PLCZ1: variants seen among roughly 807,000 people sequenced by gnomAD.
PLCZ1 encodes 1-phosphatidylinositol 4,5-bisphosphate phosphodiesterase zeta-1.
A neutral mutation model predicts 76.8 loss-of-function variants in PLCZ1; 64 were observed. That is an observed-to-expected ratio of 0.83 (90% CI 0.68 to 1.03). The LOEUF (loss-of-function observed/expected upper bound fraction) is 1.03, where lower values mean the gene tolerates loss of function less well. Among genes scored for constraint, PLCZ1 ranks in the 50% least tolerant of loss-of-function variants. PLCZ1 has a pLI of 0.00. For missense variants in PLCZ1, 751 were observed against 713.7 expected, an observed-to-expected ratio of 1.05 and a Z score of -0.60; for synonymous variants, 248 against 230.8, an observed-to-expected ratio of 1.07 and a Z score of -0.68.
the PLCZ1 span, among the ~76,000 whole-genome samples, chr12:18,671,750 ACTGT>A: frequency 6.6e-6 from 1 of 152,150 alleles, no homozygotes; most frequent in East Asian, 1.9e-4. Flanking sequence ...ATGCAAAAAG[ACTGT>A]CTGAGTTCAT....
the PLCZ1 span, among the ~76,000 whole-genome samples, chr12:18,656,359 C>T: frequency 6.6e-5 from 10 of 152,100 alleles, no homozygotes; most frequent in South Asian, 1.9e-3. Flanking sequence ...GGGTGGATCA[C>T]GAGCTCAGTA....
rs770563339 is a variant in PLCZ1, at chr12:18,683,315, C to A, written c.1751G>T (p.Arg584Leu). Reference sequence around the variant, plus strand: ...ACCCATTCTGGAAAACAGAGGAATACGACGATAACCTGCAAAAGGAATTAT... The same window carrying A: ...ACCCATTCTGGAAAACAGAGGAATAAGACGATAACCTGCAAAAGGAATTAT... The part of the protein sequence containing the change: ...PLLCMNKGYR[R>L]IPLFSRMGES... The change falls in exon 15 of 15, where the codon CGT becomes CTT. Residue 584 changes from arginine (R) to leucine (L), a missense_variant. Arg to Leu is a moderately radical substitution (Grantham distance 102). Coordinates refer to ENST00000266505, the MANE Select transcript of PLCZ1 (RefSeq NM_033123.4). 1.9e-6 allele frequency: 3 copies of A among 1,612,130 alleles called. No individual in the cohort carries two copies. Among genetic ancestry groups the A allele is most frequent in the African/African-American group, 2.7e-5 (2 of 74,768 alleles).
intron 12 of PLCZ1, among the ~76,000 whole-genome samples, chr12:18,688,768 C>G (rs1272595178): frequency 6.6e-6 from 1 of 151,670 alleles, no homozygotes; most frequent in Non-Finnish European, 1.5e-5. Context: ...ATTGTTGAAG[C>G]AAAAATGTGT....
rs191492049 is a variant in PLCZ1, at chr12:18,690,155, T to C, written c.1462-1937A>G. On this transcript the variant is annotated intron_variant, in intron 12 of 14. Coordinates refer to ENST00000266505, the MANE Select transcript of PLCZ1 (RefSeq NM_033123.4). ...TATTTGTTCAATGAACCTAGATATA[T>C]TGGGCATATACTTTGTGTAAGGCAC... Among the ~76,000 whole-genome samples, 573 of 152,324 alleles carry C rather than the reference T, an allele frequency of 3.8e-3. 10 individuals carry two copies. The highest frequency in any genetic ancestry group is 0.013 in the African/African-American group (555 of 41,576).
intron 4 of PLCZ1, among the ~76,000 whole-genome samples, chr12:18,721,118 TTTAA>T (rs1200295962): frequency 6.6e-6 from 1 of 152,110 alleles, no homozygotes; most frequent in Non-Finnish European, 1.5e-5. Context: ...TTTTTCCCTG[TTTAA>T]TTAGCAGTAA....
At chr12:18,683,600 G>A (rs1164964311) in intron 14 of PLCZ1, 2 of 1,436,296 alleles carry the variant, frequency 1.4e-6, no homozygotes, top group Admixed American at 2.1e-5. Context: ...TTCTGCTTCA[G>A]GAAGACCTGT....
the PLCZ1 span, among the ~76,000 whole-genome samples, chr12:18,658,762 G>A: frequency 6.6e-6 from 1 of 152,074 alleles, no homozygotes; most frequent in Non-Finnish European, 1.5e-5. Context: ...CTATTTCACA[G>A]AGAGTAAAAA....
At chr12:18,690,246 G>C (rs777325098) in intron 12 of PLCZ1, among the ~76,000 whole-genome samples, 1 of 151,984 alleles carries the variant, frequency 6.6e-6, no homozygotes, top group Non-Finnish European at 1.5e-5. Flanking sequence ...TCTTTGAGAC[G>C]AACTTTGGCT....
chr12:18,656,511 G>C, the PLCZ1 span, among the ~76,000 whole-genome samples: 1 of 152,164 alleles, frequency 6.6e-6, no homozygotes, highest in Non-Finnish European at 1.5e-5. Context: ...GTTGCAGTGA[G>C]ACAAGATCAC....
downstream of PLCZ1, among the ~76,000 whole-genome samples, chr12:18,679,566 T>C (rs1952235787): frequency 6.6e-6 from 1 of 152,036 alleles, no homozygotes; most frequent in Non-Finnish European, 1.5e-5. Flanking sequence ...ATGTTTATAA[T>C]GCCTGTAAAC....
chr12:18,707,028 T>C (rs1391068049), intron 6 of PLCZ1, among the ~76,000 whole-genome samples: 2 of 152,218 alleles, frequency 1.3e-5, no homozygotes, highest in Admixed American at 1.3e-4. Context: ...CTAATCTCTG[T>C]CCCTGTCTTC....
chr12:18,720,860 A>T (rs1006446140), intron 4 of PLCZ1, among the ~76,000 whole-genome samples: 11 of 152,138 alleles, frequency 7.2e-5, no homozygotes, highest in African/African-American at 2.7e-4. Flanking sequence ...CTAAGCAGCC[A>T]TTAAGAATAA....
chr12:18,670,565 G>A, the PLCZ1 span, among the ~76,000 whole-genome samples: 1 of 152,034 alleles, frequency 6.6e-6, no homozygotes, highest in African/African-American at 2.4e-5. Context: ...TTGATATGAG[G>A]GTTAACTTCC....
Position 18,689,393 on chromosome 12 carries a change from C to T in PLCZ1, c.1462-1175G>A, listed in dbSNP as rs143933366. 7.6e-3 allele frequency among the ~76,000 whole-genome samples: 1,164 copies of T among 152,256 alleles called. 16 individuals are homozygous for T. The highest frequency in any genetic ancestry group is 0.027 in the African/African-American group (1,115 of 41,542). On this transcript the variant is annotated intron_variant, in intron 12 of 14. Coordinates refer to ENST00000266505, the MANE Select transcript of PLCZ1 (RefSeq NM_033123.4). ...ATGTGGCCCATGGTGGCTTTGAATG[C>T]GGCCCAACGCAAATTCATAAACTTT...
At chr12:18,699,601 T>C (rs549636006) in intron 10 of PLCZ1, among the ~76,000 whole-genome samples, 193 bp downstream of exon 10, 2 of 152,206 alleles carry the variant, frequency 1.3e-5, no homozygotes, top group East Asian at 3.9e-4. Context: ...CTTAGGAAAG[T>C]TAATTAATGG....
At chr12:18,647,321 AG>A in the PLCZ1 span, among the ~76,000 whole-genome samples, 1 of 152,044 alleles carries the variant, frequency 6.6e-6, no homozygotes, top group African/African-American at 2.4e-5. Flanking sequence ...AAGGAGACCA[AG>A]GGTAGAAAAA....
chr12:18,675,050 A>G, the PLCZ1 span, among the ~76,000 whole-genome samples: 1 of 152,202 alleles, frequency 6.6e-6, no homozygotes, highest in African/African-American at 2.4e-5. Flanking sequence ...ACCTTATTCA[A>G]TATGGTAGCT....
chr12:18,686,534 A>G (rs1436872377), intron 13 of PLCZ1, among the ~76,000 whole-genome samples: 1 of 151,492 alleles, frequency 6.6e-6, no homozygotes, highest in Non-Finnish European at 1.5e-5. Flanking sequence ...TGGTATGTTT[A>G]AATTGTATTT....
At chr12:18,735,580 A>T (rs1296751981) in intron 3 of PLCZ1, among the ~76,000 whole-genome samples, 1 of 151,908 alleles carries the variant, frequency 6.6e-6, no homozygotes, top group African/African-American at 2.4e-5. Context: ...TAACCTTTCT[A>T]GTTCTTCTTG....
Sources: allele counts gnomAD v4.1 joint callset (sites outside exome capture counted in the v4.1 genomes callset), GRCh38; gene constraint gnomAD v4.1.1; transcripts MANE v1.5; gene names NCBI Gene and HGNC (gene_info 2026-07-23, HGNC 2026-07-21).